The following KSR2 variants were observed in gnomAD, a reference collection of about 807,000 sequenced individuals.
KSR2 encodes kinase suppressor of ras 2.
A neutral mutation model predicts 107.8 loss-of-function variants in KSR2; 25 were observed. The ratio of observed to expected loss-of-function variants is 0.23; its 90% CI spans 0.17 to 0.32. The LOEUF is 0.32. Among genes scored for constraint, KSR2 ranks in the 10% least tolerant of loss-of-function variants. The pLI, the probability that KSR2 is intolerant of heterozygous loss-of-function variation, is 1.00. For synonymous variants in KSR2, 480 were observed against 507.0 expected (o/e 0.95, Z 0.71); for missense variants, 887 against 1,268.9 (o/e 0.70, Z 4.57).
intron 4 of KSR2, among the ~76,000 whole-genome samples, chr12:117,702,205 A>T (rs183491546): frequency 6.6e-6 from 1 of 152,148 alleles, no homozygotes; most frequent in Admixed American, 6.5e-5. Flanking sequence ...GCCTCCCCCA[A>T]TGTCACTGGG....
At chr12:117,621,747 A>G (rs1347148317) in intron 5 of KSR2, among the ~76,000 whole-genome samples, 2 of 152,182 alleles carry the variant, frequency 1.3e-5, no homozygotes, top group African/African-American at 2.4e-5. Flanking sequence ...AGTACATAGG[A>G]ACTCTATACT....
chr12:117,697,397 A>G (rs1886111432), intron 4 of KSR2, among the ~76,000 whole-genome samples: 1 of 152,206 alleles, frequency 6.6e-6, no homozygotes, highest in Non-Finnish European at 1.5e-5. Context: ...TGAAAGTTCA[A>G]GACGCTATCT....
rs564880664 is a variant in KSR2 at position 117,813,796 on chromosome 12, C to G, written c.472+41632G>C. Among the ~76,000 whole-genome samples the G allele has an allele frequency of 2.6e-5, 4 of 152,122 alleles. No individual in the cohort carries two copies. The South Asian group carries it at 8.3e-4, about 32-fold the overall frequency. On this transcript the variant is annotated intron_variant, in intron 3 of 19. Transcript: ENST00000339824. ...GAGCATTTATCCAAAGGAAAAGAAA[C>G]CAGCTTATCAAAGAGATGGCTACAC... is the stretch of plus-strand genomic sequence containing the variant.
intron 4 of KSR2, among the ~76,000 whole-genome samples, chr12:117,682,189 G>GTTA (rs1181611515): frequency 1.3e-5 from 2 of 152,054 alleles, no homozygotes; most frequent in African/African-American, 4.8e-5. Flanking sequence ...AACACCACAT[G>GTTA]TTATCACTTA....
At position 117,521,273 on chromosome 12, in the gene KSR2, A is replaced by G. The variant is rs146605806; in HGVS notation, c.2219+3579T>C. On this transcript the variant is annotated intron_variant, in intron 14 of 19. Transcript: ENST00000339824. The stretch of plus-strand genomic sequence containing the variant: ...CCCAGCTGCTTCTCAAACACAGCTC[A>G]TTATCAGACAAGCAAAGAATACTGT... Among the ~76,000 whole-genome samples the G allele has an allele frequency of 4.2e-3, 633 of 152,332 alleles. 5 individuals carry two copies. The highest frequency in any genetic ancestry group is 0.014 in the African/African-American group (599 of 41,584).
At chr12:117,489,467 A>G (rs368884574) in intron 14 of KSR2, among the ~76,000 whole-genome samples, 3 of 151,046 alleles carry the variant, frequency 2.0e-5, no homozygotes, top group South Asian at 2.1e-4. Context: ...GGATCTCTTG[A>G]GTCCAGGAGG....
chr12:117,631,573 ATT>A (rs1226954378), intron 5 of KSR2, among the ~76,000 whole-genome samples: 4 of 152,206 alleles, frequency 2.6e-5, no homozygotes, highest in Non-Finnish European at 4.4e-5. Flanking sequence ...ATGCCTAATT[ATT>A]TTTCTTCATC....
At chr12:117,793,952 CGCACACACCAACAT>C (rs1318660733) in intron 3 of KSR2, among the ~76,000 whole-genome samples, 4 of 130,524 alleles carry the variant, frequency 3.1e-5, no homozygotes, top group South Asian at 2.7e-4. Flanking sequence ...CACCAACATG[CGCACACACCAACAT>C]GCACACACAC....
At chr12:117,866,642 C>T (rs1893479492) in intron 1 of KSR2, among the ~76,000 whole-genome samples, 3 of 151,980 alleles carry the variant, frequency 2.0e-5, no homozygotes, top group African/African-American at 7.2e-5. Flanking sequence ...CCAGCCTGAC[C>T]AACATAGAGA....
chr12:117,594,066 T>C (rs1022044126), intron 5 of KSR2, among the ~76,000 whole-genome samples: 4 of 152,252 alleles, frequency 2.6e-5, no homozygotes, highest in African/African-American at 9.6e-5. Context: ...ACTGAGTTTA[T>C]GGATCTTAAA....
intron 3 of KSR2, among the ~76,000 whole-genome samples, chr12:117,778,982 C>T (rs945692639): frequency 2.0e-5 from 3 of 152,260 alleles, no homozygotes; most frequent in East Asian, 1.9e-4. Flanking sequence ...TGACTTGGGG[C>T]GCAGGTTTTC....
intron 9 of KSR2, among the ~76,000 whole-genome samples, chr12:117,548,842 C>CT (rs1182394002): frequency 6.6e-6 from 1 of 152,214 alleles, no homozygotes; most frequent in Admixed American, 6.5e-5. Context: ...GGAAACTCAA[C>CT]TATGATTGTG....
chr12:117,947,205 A>AATAG (rs1896214482), intron 1 of KSR2, among the ~76,000 whole-genome samples: 2 of 69,242 alleles, frequency 2.9e-5, no homozygotes, highest in Non-Finnish European at 5.3e-5. Flanking sequence ...GAAAAGAAAG[A>AATAG]AAAGAAAGAA....
chr12:117,490,353 C>A (rs1190479500), intron 14 of KSR2, among the ~76,000 whole-genome samples: 1 of 152,182 alleles, frequency 6.6e-6, no homozygotes, highest in African/African-American at 2.4e-5. Flanking sequence ...ATGGGCACAG[C>A]AGAAACAATA....
At chr12:117,665,444 C>T (rs1036283633) in intron 5 of KSR2, among the ~76,000 whole-genome samples, 3 of 152,098 alleles carry the variant, frequency 2.0e-5, no homozygotes, top group African/African-American at 4.8e-5. Flanking sequence ...GGAGGGGGCC[C>T]GGCTGACATT....
At chr12:117,835,940 G>A (rs560569464) in intron 3 of KSR2, among the ~76,000 whole-genome samples, 32 of 151,952 alleles carry the variant, frequency 2.1e-4, no homozygotes, top group Non-Finnish European at 3.7e-4. Flanking sequence ...AAGCAAGGCC[G>A]CCTACCCTAC....
At position 117,459,430 on chromosome 12, in the gene KSR2, C is replaced by T; in HGVS notation, c.*7769G>A. On this transcript the variant is annotated 3_prime_UTR_variant, in exon 20 of 20. Transcript: ENST00000339824. ...TGGTAACTCGAATGCCCTGAAGCTA[C>T]ATCTGTGATCAGTGGGAAGGCATGC... is the stretch of plus-strand genomic sequence containing the variant. The T allele has an allele frequency of 6.6e-6, 1 of 152,238 alleles. No individual in the cohort carries two copies. Among genetic ancestry groups the T allele is most frequent in the Non-Finnish European group, 1.5e-5 (1 of 68,060 alleles). The allele number at this position is 152,238 out of a possible 1,614,324, so 9.4% of individuals were successfully genotyped here. A position where few individuals can be genotyped will look rare whatever the true frequency, so the allele number is the denominator to read the frequency against.
intron 4 of KSR2, among the ~76,000 whole-genome samples, chr12:117,720,517 C>T (rs990608113): frequency 6.6e-6 from 1 of 152,166 alleles, no homozygotes; most frequent in East Asian, 1.9e-4. Flanking sequence ...GAGGCAAGAT[C>T]GATAAAAGTC....
intron 5 of KSR2, among the ~76,000 whole-genome samples, chr12:117,627,465 A>G (rs916952208): frequency 6.6e-6 from 1 of 152,164 alleles, no homozygotes; most frequent in Non-Finnish European, 1.5e-5. Context: ...TATGAAGTCT[A>G]GTTTGGCTGG....
Sources: gnomAD v4.1 joint callset for allele counts (sites outside exome capture counted in the v4.1 genomes callset) on GRCh38, gnomAD v4.1.1 for gene constraint, MANE v1.5 for transcripts, NCBI Gene and HGNC (gene_info 2026-07-23, HGNC 2026-07-21) for gene names.